IQSEC1: variants seen among roughly 807,000 people sequenced by gnomAD.
The protein encoded by IQSEC1 is IQ motif and SEC7 domain-containing protein 1.
IQSEC1 carries 31 observed loss-of-function variants against 91.0 expected under a neutral mutation model. The ratio of observed to expected loss-of-function variants is 0.34; its 90% CI spans 0.26 to 0.46. The LOEUF is 0.46. Ranked by LOEUF, IQSEC1 falls within the 20% of genes least tolerant of loss-of-function variation. The probability of loss-of-function intolerance (pLI) is 1.00; values close to 1 mark genes in which losing one functional copy is unlikely to be tolerated. For missense variants in IQSEC1, 1,388 were observed against 1,575.6 expected, an observed-to-expected ratio of 0.88 and a Z score of 2.02; for synonymous variants, 699 against 662.6, an observed-to-expected ratio of 1.05 and a Z score of -0.84.
chr3:13,001,785 G>A (rs1702434012), intron 1 of IQSEC1, among the ~76,000 whole-genome samples: 1 of 152,154 alleles, frequency 6.6e-6, no homozygotes, highest in Non-Finnish European at 1.5e-5. Context: ...CTGGCCGAGC[G>A]CGATGGCTCA....
chr3:12,935,951 C>T lies in IQSEC1; in HGVS notation c.1065G>A (p.Glu355=), dbSNP rs148427042. The T allele has an allele frequency of 1.3e-6, 2 of 1,598,384 alleles. No individual in the cohort carries two copies. The highest frequency in any genetic ancestry group is 1.7e-5 in the Admixed American group (1 of 59,962). The change falls in exon 3 of 14, where the codon GAG becomes GAA. Residue 355 remains glutamate, a synonymous_variant. Coordinates refer to ENST00000613206, the MANE Select transcript of IQSEC1 (RefSeq NM_001134382.3). This position sits in a 1 kb window ranked among gnomAD's most constrained non-coding sequence, Gnocchi z 8.0. ...CRSTPSLERQ[E]QRLRVEHLPL... is the part of the protein sequence containing the mutation. ...GCAGATGCTCCACCCGCAGCCGCTG[C>T]TCCTGCCGCTCCAGCGACGGCGTGC...
At chr3:13,171,230 G>A (rs1301385453) in intron 1 of IQSEC1, among the ~76,000 whole-genome samples, 2 of 152,182 alleles carry the variant, frequency 1.3e-5, no homozygotes, top group Non-Finnish European at 2.9e-5. Flanking sequence ...CGTGATACAG[G>A]GAAACTGAGG....
At chr3:13,217,328 G>A (rs1237535084) in intron 1 of IQSEC1, among the ~76,000 whole-genome samples, 1 of 152,200 alleles carries the variant, frequency 6.6e-6, no homozygotes, top group African/African-American at 2.4e-5. Context: ...CTATGGGGTT[G>A]CCTTTTCAGG....
intron 1 of IQSEC1, among the ~76,000 whole-genome samples, chr3:13,035,327 C>T (rs1703994110): frequency 6.6e-6 from 1 of 152,186 alleles, no homozygotes. Flanking sequence ...ACACTAGGCA[C>T]CATCTGCACA....
Position 12,922,393 on chromosome 3 carries a change from C to T in IQSEC1, c.1731-151G>A. 3 of 971,906 alleles carry T rather than the reference C, an allele frequency of 3.1e-6. No individual in the cohort carries two copies. Among genetic ancestry groups the T allele is most frequent in the Non-Finnish European group, 4.3e-6 (3 of 702,468 alleles). 60.2% of individuals were successfully genotyped at this position (971,906 alleles called of 1,614,324 possible). ...TGACTCCGACCAATCAGCCAAGAGC[C>T]CTCAGAATGCAGCAAAAAGACCTCC... is the stretch of plus-strand genomic sequence containing the variant. On this transcript the variant is annotated intron_variant, in intron 4 of 13. Coordinates refer to ENST00000613206, the MANE Select transcript of IQSEC1 (RefSeq NM_001134382.3). This position sits in a 1 kb window ranked among gnomAD's most constrained non-coding sequence, Gnocchi z 5.1.
At chr3:12,972,085 A>ATT (rs34042187) in intron 1 of IQSEC1, among the ~76,000 whole-genome samples, 300 of 145,430 alleles carry the variant, frequency 2.1e-3, no homozygotes, top group African/African-American at 6.8e-3. Flanking sequence ...AACCAATGCA[A>ATT]TTTTTTTTTT....
Position 12,941,570 on chromosome 3 carries a change from C to T in IQSEC1, c.318+1G>A. The T allele has an allele frequency of 1.9e-6, 3 of 1,564,874 alleles. No homozygotes were observed. The highest frequency in any genetic ancestry group is 2.6e-6 in the Non-Finnish European group (3 of 1,149,980). On this transcript the variant is annotated splice_donor_variant, in intron 2 of 13. Coordinates refer to ENST00000613206, the MANE Select transcript of IQSEC1 (RefSeq NM_001134382.3). LOFTEE classifies it high-confidence loss of function. ...TGGCCTGAGGGGCTGTGCTCTCCTA[C>T]CTGCTTGTCCTGCAGGTCCGAGGAG...
At position 12,909,483 on chromosome 3, in the gene IQSEC1, C is replaced by A; in HGVS notation, c.2417-49G>T. On this transcript the variant is annotated intron_variant, in intron 10 of 13. Transcript: ENST00000613206. This position sits in a 1 kb window ranked among gnomAD's most constrained non-coding sequence, Gnocchi z 4.9. Reference sequence around the variant, plus strand: ...GGAGGCCCACGGGTCTCAGTGTGTTCTCTGCAATCTCCTCTCTGGTCAGGA... The same window carrying A: ...GGAGGCCCACGGGTCTCAGTGTGTTATCTGCAATCTCCTCTCTGGTCAGGA... 1 of 1,541,530 alleles carries A rather than the reference C, an allele frequency of 6.5e-7. No homozygotes were observed. Among genetic ancestry groups the A allele is most frequent in the South Asian group, 1.2e-5 (1 of 85,998 alleles).
At position 12,936,652 on chromosome 3, in the gene IQSEC1, G is replaced by A; in HGVS notation, c.364C>T (p.His122Tyr). ...RKYGGRLVTR[H>Y]AARTIQTAFR... ...GCCGTCTGGATGGTGCGGGCCGCAT[G>A]GCGGGTTACCAGGCGCCCCCCATAC... The change falls in exon 3 of 14, where the codon CAT becomes TAT. Residue 122 changes from histidine (H) to tyrosine (Y), a missense_variant. Physicochemically the swap from His to Tyr is moderately conservative, Grantham distance 83. Around this residue, in one of 2 missense-constraint regions of IQSEC1, gnomAD observed 1,059 missense variants for 1,317.8 expected, o/e 0.80. Transcript: ENST00000613206. The A allele has an allele frequency of 6.2e-7, 1 of 1,604,536 alleles. No homozygotes were observed. The highest frequency in any genetic ancestry group is 8.5e-7 in the Non-Finnish European group (1 of 1,175,676).
chr3:12,929,086 A>C (rs1697415558), intron 3 of IQSEC1, among the ~76,000 whole-genome samples: 1 of 152,230 alleles, frequency 6.6e-6, no homozygotes, highest in Non-Finnish European at 1.5e-5. Context: ...CATCAGGGGC[A>C]TGGCTGGGAG....
chr3:13,220,414 G>A (rs1336149324), intron 1 of IQSEC1, among the ~76,000 whole-genome samples: 1 of 152,194 alleles, frequency 6.6e-6, no homozygotes, highest in East Asian at 1.9e-4. Flanking sequence ...CCCATTATCT[G>A]CCAGTTGCCC....
intron 1 of IQSEC1, among the ~76,000 whole-genome samples, chr3:13,046,418 G>A (rs2125052854): frequency 6.6e-6 from 1 of 152,290 alleles, no homozygotes; most frequent in Non-Finnish European, 1.5e-5. Context: ...GGCCCAGATG[G>A]CCACCCCCTC....
chr3:12,978,748 T>G (rs1701314850), intron 1 of IQSEC1, among the ~76,000 whole-genome samples: 1 of 151,752 alleles, frequency 6.6e-6, no homozygotes, highest in Non-Finnish European at 1.5e-5. Flanking sequence ...TGCACAACAG[T>G]AAGCCACTAA....
intron 1 of IQSEC1, among the ~76,000 whole-genome samples, chr3:13,228,036 C>G (rs1389330055): frequency 6.6e-6 from 1 of 152,186 alleles, no homozygotes; most frequent in African/African-American, 2.4e-5. Flanking sequence ...GCTGTCCCTG[C>G]TGTCTATGCG....
chr3:13,029,064 A>T (rs2125002218), intron 1 of IQSEC1, among the ~76,000 whole-genome samples: 1 of 152,318 alleles, frequency 6.6e-6, no homozygotes, highest in South Asian at 2.1e-4. Context: ...ACGCTGTGTG[A>T]CTGTACTGTG....
At chr3:13,007,855 C>G (rs1702703823) in intron 1 of IQSEC1, among the ~76,000 whole-genome samples, 1 of 152,132 alleles carries the variant, frequency 6.6e-6, no homozygotes, top group Non-Finnish European at 1.5e-5. Context: ...CCACCCGTAC[C>G]CCGCCCCAGA....
At chr3:12,972,310 A>G (rs1700945513) in intron 1 of IQSEC1, among the ~76,000 whole-genome samples, 1 of 151,976 alleles carries the variant, frequency 6.6e-6, no homozygotes, top group South Asian at 2.1e-4. Context: ...AGATCCTGTC[A>G]CAAAAAAAAA....
intron 1 of IQSEC1, among the ~76,000 whole-genome samples, chr3:12,995,291 C>T (rs1278874481): frequency 6.6e-6 from 1 of 152,262 alleles, no homozygotes; most frequent in African/African-American, 2.4e-5. Context: ...CAAGACGTTT[C>T]CCCCTCTGGA....
chr3:12,900,431 A>T lies in IQSEC1; in HGVS notation c.*552T>A. 2.1e-6 allele frequency: 2 copies of T among 939,758 alleles called. No homozygotes were observed. Among genetic ancestry groups the T allele is most frequent in the Non-Finnish European group, 2.5e-6 (2 of 789,620 alleles). 58.2% of individuals were successfully genotyped at this position (939,758 alleles called of 1,614,324 possible). On this transcript the variant is annotated 3_prime_UTR_variant, in exon 14 of 14. Coordinates refer to ENST00000613206, the MANE Select transcript of IQSEC1 (RefSeq NM_001134382.3). ...GTGGACTGAAACGCCTGCCTTTCAC[A>T]CACAAGTACTACCTATACAGTATAT...
Sources: allele counts gnomAD v4.1 joint callset (sites outside exome capture counted in the v4.1 genomes callset), GRCh38; gene constraint gnomAD v4.1.1; regional missense constraint gnomAD v4.1.1; non-coding constraint Gnocchi (gnomAD v3.1); transcripts MANE v1.5; gene names NCBI Gene and HGNC (gene_info 2026-07-23, HGNC 2026-07-21).